Variants in ANKS1B observed in about 807,000 individuals in gnomAD.
ANKS1B encodes the protein ankyrin repeat and sterile alpha motif domain-containing protein 1B.
ANKS1B carries 36 observed loss-of-function variants against 148.3 expected under a neutral mutation model. That is an observed-to-expected ratio of 0.24 (90% CI 0.19 to 0.32). The LOEUF (loss-of-function observed/expected upper bound fraction) is 0.32, where lower values mean the gene tolerates loss of function less well. Ranked by LOEUF, ANKS1B falls within the 10% of genes least tolerant of loss-of-function variation. The pLI, the probability that ANKS1B is intolerant of heterozygous loss-of-function variation, is 1.00. For missense variants in ANKS1B, 1,157 were observed against 1,542.6 expected (o/e 0.75, Z 4.19); for synonymous variants, 542 against 560.8 (o/e 0.97, Z 0.47).
At chr12:99,807,789 C>A (rs2153663168) in intron 3 of ANKS1B, among the ~76,000 whole-genome samples, 1 of 152,168 alleles carries the variant, frequency 6.6e-6, no homozygotes, top group South Asian at 2.1e-4. Context: ...GGGATTTGAA[C>A]ACAAGTAGCC....
At chr12:99,383,863 A>G (rs1315896239) in intron 12 of ANKS1B, among the ~76,000 whole-genome samples, 3 of 142,358 alleles carry the variant, frequency 2.1e-5, no homozygotes, top group East Asian at 4.1e-4. Context: ...AAAAAAAAAA[A>G]AAAAGAAAAG....
At chr12:99,926,516 A>T (rs1168748519) in intron 1 of ANKS1B, among the ~76,000 whole-genome samples, 1 of 152,124 alleles carries the variant, frequency 6.6e-6, no homozygotes, top group African/African-American at 2.4e-5. Context: ...TCTGACTTGA[A>T]CTGAAACATC....
intron 14 of ANKS1B, among the ~76,000 whole-genome samples, chr12:99,238,339 C>CG (rs1346936911): frequency 6.6e-6 from 1 of 152,106 alleles, no homozygotes; most frequent in Non-Finnish European, 1.5e-5. Context: ...TGCAGCTTGA[C>CG]GGGGGGAGGG....
intron 17 of ANKS1B, among the ~76,000 whole-genome samples, chr12:98,870,880 TC>T (rs2099662382): frequency 1.3e-5 from 2 of 152,124 alleles, no homozygotes; most frequent in Non-Finnish European, 2.9e-5. Flanking sequence ...ACAAGAAAGG[TC>T]CCTTATAGAT....
chr12:99,393,096 T>TGATAGGTAGATA (rs1555414097), intron 12 of ANKS1B, among the ~76,000 whole-genome samples: 1 of 150,558 alleles, frequency 6.6e-6, no homozygotes, highest in Admixed American at 6.6e-5. Flanking sequence ...GATAGACAGA[T>TGATAGGTAGATA]GATAGATAGA....
chr12:99,141,334 G>A (rs556539764), intron 15 of ANKS1B, among the ~76,000 whole-genome samples: 2 of 151,462 alleles, frequency 1.3e-5, no homozygotes, highest in South Asian at 4.2e-4. Context: ...TTCACAGAAT[G>A]TGCTCTTGTT....
At chr12:99,683,876 A>T (rs2098635049) in intron 8 of ANKS1B, among the ~76,000 whole-genome samples, 1 of 152,096 alleles carries the variant, frequency 6.6e-6, no homozygotes, top group Admixed American at 6.6e-5. Context: ...TCATCTCAAT[A>T]GACACAGAAA....
chr12:98,812,728 C>T (rs529254578), intron 19 of ANKS1B, among the ~76,000 whole-genome samples: 35 of 152,048 alleles, frequency 2.3e-4, no homozygotes, highest in Non-Finnish European at 4.4e-4. Context: ...CATGTGCCAC[C>T]ATATCCAGCT....
intron 17 of ANKS1B, among the ~76,000 whole-genome samples, chr12:98,896,985 A>T (rs2152746730): frequency 6.6e-6 from 1 of 152,320 alleles, no homozygotes; most frequent in East Asian, 1.9e-4. Context: ...AGTGAACTAC[A>T]GGCTATTTGG....
chr12:98,824,688 C>T (rs568571807), intron 19 of ANKS1B, among the ~76,000 whole-genome samples: 1 of 152,146 alleles, frequency 6.6e-6, no homozygotes, highest in Non-Finnish European at 1.5e-5. Flanking sequence ...AAAACAGCAT[C>T]GACTATTTGG....
chr12:99,585,505 C>T (rs1031218421), intron 9 of ANKS1B, among the ~76,000 whole-genome samples: 15 of 152,246 alleles, frequency 9.9e-5, no homozygotes, highest in South Asian at 4.1e-4. Flanking sequence ...GTCTGGAGAA[C>T]GGTGGCCCTC....
intron 17 of ANKS1B, among the ~76,000 whole-genome samples, chr12:98,834,051 C>T (rs80279665): frequency 0.052 from 7,953 of 152,192 alleles, 693 homozygotes; most frequent in African/African-American, 0.18. Flanking sequence ...ACGCCCTATT[C>T]CTTTGACAGC....
intron 1 of ANKS1B, among the ~76,000 whole-genome samples, chr12:99,925,701 A>G (rs554937737): frequency 2.6e-5 from 4 of 152,306 alleles, no homozygotes; most frequent in Non-Finnish European, 5.9e-5. Context: ...CAGCCCATTG[A>G]AAAAAAGGTA....
At chr12:99,484,920 T>C (rs2096467683) in intron 10 of ANKS1B, among the ~76,000 whole-genome samples, 1 of 151,748 alleles carries the variant, frequency 6.6e-6, no homozygotes, top group African/African-American at 2.4e-5. Context: ...AGGATTCATA[T>C]AATGAATCTC....
At chr12:98,773,504 A>T (rs922843778) in intron 24 of ANKS1B, among the ~76,000 whole-genome samples, 111 of 152,168 alleles carry the variant, frequency 7.3e-4, no homozygotes, top group African/African-American at 2.4e-3. Flanking sequence ...GCTCAGGCTG[A>T]AGTGCAGTGG....
intron 17 of ANKS1B, among the ~76,000 whole-genome samples, chr12:98,848,598 G>A (rs12230719): frequency 0.021 from 3,039 of 148,002 alleles, 74 homozygotes; most frequent in East Asian, 0.099. Context: ...TCGCTCTGTC[G>A]CCCAGGCTGG....
rs141105958 is a variant in ANKS1B at position 99,617,743 on chromosome 12, C to T, written c.1272+37324G>A. On this transcript the variant is annotated intron_variant, in intron 9 of 26. Transcript: ENST00000683438. The stretch of plus-strand genomic sequence containing the variant: ...ATAGGTGCAGCAAACCACCATGGCA[C>T]ATGTCTACCTATGAAACAAACCTGC... Among the ~76,000 whole-genome samples, 593 of 151,900 alleles carry T rather than the reference C, an allele frequency of 3.9e-3. 29 individuals are homozygous for T. The East Asian group carries it at 0.11, about 27-fold the overall frequency.
At chr12:99,669,741 G>A (rs2098527690) in intron 8 of ANKS1B, among the ~76,000 whole-genome samples, 1 of 152,096 alleles carries the variant, frequency 6.6e-6, no homozygotes, top group Admixed American at 6.6e-5. Context: ...GTTGTTTTCT[G>A]GACCTCTTTT....
At chr12:99,389,517 C>CA (rs1374439202) in intron 12 of ANKS1B, among the ~76,000 whole-genome samples, 1 of 152,194 alleles carries the variant, frequency 6.6e-6, no homozygotes, top group Non-Finnish European at 1.5e-5. Flanking sequence ...GCTTTTCTCT[C>CA]ACAGCTTTAT....
Sources: allele counts gnomAD v4.1 joint callset (sites outside exome capture counted in the v4.1 genomes callset), GRCh38; gene constraint gnomAD v4.1.1; transcripts MANE v1.5; gene names NCBI Gene and HGNC (gene_info 2026-07-23, HGNC 2026-07-21).